LYPLA1: variants seen among roughly 807,000 people sequenced by gnomAD.
LYPLA1 encodes lysophospholipase 1, also known as acyl-protein thioesterase 1.
LYPLA1 carries 17 observed loss-of-function variants against 34.0 expected under a neutral mutation model. The ratio of observed to expected loss-of-function variants is 0.50; its 90% CI spans 0.34 to 0.75. LYPLA1 has a LOEUF of 0.75. Among genes scored for constraint, LYPLA1 ranks in the 30% least tolerant of loss-of-function variants. The pLI is 0.01. For missense variants in LYPLA1, 203 were observed against 288.8 expected, an observed-to-expected ratio of 0.70 and a Z score of 2.15; for synonymous variants, 98 against 100.8, an observed-to-expected ratio of 0.97 and a Z score of 0.17.
chr8:54,101,453 C>T lies in LYPLA1; in HGVS notation c.69+302G>A, dbSNP rs1027225476. On this transcript the variant is annotated intron_variant, in intron 1 of 8. Transcript: ENST00000316963. ...ACTTAGGTTTCCCTCACCCACACACCAGGCAGAAACACGCTGCAGAGGCTG... is the reference window on the plus strand; with the variant it reads ...ACTTAGGTTTCCCTCACCCACACACTAGGCAGAAACACGCTGCAGAGGCTG... 11 of 1,096,792 alleles carry T rather than the reference C, an allele frequency of 1.0e-5. No homozygotes were observed. The Admixed American group carries it at 4.7e-4, about 46-fold the overall frequency. 67.9% of individuals were successfully genotyped at this position (1,096,792 alleles called of 1,614,324 possible). A position where few individuals can be genotyped will look rare whatever the true frequency, so the allele number is the denominator to read the frequency against.
intron 2 of LYPLA1, among the ~76,000 whole-genome samples, chr8:54,070,408 T>G (rs1322727309): frequency 3.3e-5 from 5 of 152,100 alleles, no homozygotes; most frequent in Non-Finnish European, 5.9e-5. Flanking sequence ...ACAACCCAAA[T>G]GTCCATCAAA....
At chr8:54,065,930 G>T (rs538776489) in intron 2 of LYPLA1, 117 bp from the exon 3 acceptor site, 165 of 684,378 alleles carry the variant, frequency 2.4e-4, no homozygotes, top group African/African-American at 2.2e-3. Flanking sequence ...TAAAAATATG[G>T]TTTTTTTTTG....
In LYPLA1 at chr8:54,051,694, C is replaced by T. The variant is rs1275536890; in HGVS notation, c.463-506G>A. Among the ~76,000 whole-genome samples, 5 of 152,276 alleles carry T rather than the reference C, an allele frequency of 3.3e-5. No homozygotes were observed. In the East Asian group the frequency reaches 7.7e-4, roughly 24 times the overall value. ...TCAATCTCCTGACCTTGTGATCCAC[C>T]TGCCTTGGCCTCCGAAAGTGCTGGG... On this transcript the variant is annotated intron_variant, in intron 7 of 8. Transcript: ENST00000316963.
chr8:54,062,155 G>GTAAAT lies in LYPLA1; in HGVS notation c.286+98_286+99insATTTA, dbSNP rs1806684561. 57 of 859,074 alleles carry GTAAAT rather than the reference G, an allele frequency of 6.6e-5. No homozygotes were observed. The South Asian group carries it at 8.8e-4, about 13-fold the overall frequency. The allele number at this position is 859,074 out of a possible 1,614,324, so 53.2% of individuals were successfully genotyped here. The stretch of plus-strand genomic sequence containing the variant: ...TTACAGGCGTGAGCCACCGTGCCCG[G>GTAAAT]CCCAAATGTGTAATTTTTAACCAGT... On this transcript the variant is annotated intron_variant, in intron 5 of 8. Coordinates refer to ENST00000316963, the MANE Select transcript of LYPLA1 (RefSeq NM_006330.4).
chr8:54,074,910 T>C (rs924624353), intron 2 of LYPLA1, among the ~76,000 whole-genome samples: 4 of 152,210 alleles, frequency 2.6e-5, no homozygotes, highest in Non-Finnish European at 5.9e-5. Context: ...TTGTGCAGTG[T>C]TTTGCGGTGA....
intron 2 of LYPLA1, among the ~76,000 whole-genome samples, chr8:54,092,128 G>A (rs185204977): frequency 2.3e-4 from 35 of 151,074 alleles, no homozygotes; most frequent in African/African-American, 6.3e-4. Flanking sequence ...AGGCAGCGGC[G>A]GCAGAGGAGA....
intron 2 of LYPLA1, among the ~76,000 whole-genome samples, chr8:54,068,542 T>C (rs149841545): frequency 6.6e-6 from 1 of 152,094 alleles, no homozygotes; most frequent in Non-Finnish European, 1.5e-5. Flanking sequence ...AATCCAGAAA[T>C]AAAACCTCAC....
Position 54,097,948 on chromosome 8 carries a change from C to T in LYPLA1, c.101+2960G>A, listed in dbSNP as rs144719863. Among the ~76,000 whole-genome samples, 1,167 of 152,264 alleles carry T rather than the reference C, an allele frequency of 7.7e-3. 16 individuals carry two copies. Among genetic ancestry groups the T allele is most frequent in the African/African-American group, 0.026 (1,080 of 41,558 alleles). On this transcript the variant is annotated intron_variant, in intron 2 of 8. Transcript: ENST00000316963. ...TTGGATAAAAGCACTACAGGCTGGG[C>T]GAGGTGGCTCATGCCTGTATTCCCA...
intron 2 of LYPLA1, among the ~76,000 whole-genome samples, chr8:54,093,748 T>C (rs1281095722): frequency 6.6e-6 from 1 of 152,236 alleles, no homozygotes; most frequent in African/African-American, 2.4e-5. Context: ...TATACTATTC[T>C]AGCACTGGGA....
In LYPLA1 at chr8:54,100,921, A is replaced by C; in HGVS notation, c.88T>G (p.Leu30Val). 6.2e-7 allele frequency: 1 copy of C among 1,610,004 alleles called. No individual in the cohort carries two copies. The highest frequency in any genetic ancestry group is 8.5e-7 in the Non-Finnish European group (1 of 1,176,358). ...AATGGTACCTACCCAGTATCTCCCAATCCATGCAGGAAAATCACCTATAAG... is the reference window on the plus strand; with the variant it reads ...AATGGTACCTACCCAGTATCTCCCACTCCATGCAGGAAAATCACCTATAAG... The part of the protein sequence containing the change: ...ATAAVIFLHG[L>V]GDTGHGWAEA... The change falls in exon 2 of 9, where the codon TTG becomes GTG. Residue 30 changes from leucine (L) to valine (V), a missense_variant. Leu to Val is a conservative substitution (Grantham distance 32, BLOSUM62 1). This residue lies in a region of LYPLA1 where 75 missense variants were observed against 73.5 expected (regional missense o/e 1.02). Transcript: ENST00000316963.
rs775768892 is a variant in LYPLA1 at position 54,048,064 on chromosome 8, G to A, written c.*1C>T. The A allele has an allele frequency of 6.9e-6, 11 of 1,602,986 alleles. No individual in the cohort carries two copies. The highest frequency in any genetic ancestry group is 5.3e-5 in the African/African-American group (4 of 74,774). On this transcript the variant is annotated 3_prime_UTR_variant, in exon 9 of 9. Coordinates refer to ENST00000316963, the MANE Select transcript of LYPLA1 (RefSeq NM_006330.4). Reference sequence around the variant, plus strand: ...CTTCTACACAAGGCCTCTTAGTGACGTCAATCAATTGGAGGTAGGAGTTTA... The same window carrying A: ...CTTCTACACAAGGCCTCTTAGTGACATCAATCAATTGGAGGTAGGAGTTTA...
intron 2 of LYPLA1, among the ~76,000 whole-genome samples, chr8:54,095,871 T>G (rs774011499): frequency 2.0e-5 from 3 of 152,070 alleles, no homozygotes; most frequent in Non-Finnish European, 4.4e-5. Flanking sequence ...ATACCCGGCC[T>G]GTATTCTTGA....
intron 2 of LYPLA1, among the ~76,000 whole-genome samples, chr8:54,066,946 G>C (rs1807111692): frequency 6.6e-6 from 1 of 152,110 alleles, no homozygotes; most frequent in African/African-American, 2.4e-5. Context: ...GAAGCATGCG[G>C]ATCACTTGAG....
At chr8:54,078,730 G>A (rs1003144586) in intron 2 of LYPLA1, among the ~76,000 whole-genome samples, 3 of 152,098 alleles carry the variant, frequency 2.0e-5, no homozygotes, top group Non-Finnish European at 4.4e-5. Flanking sequence ...AGGTAAGTCT[G>A]AAAACATTTG....
intron 2 of LYPLA1, chr8:54,073,156 A>T (rs1014873390): frequency 2.7e-6 from 2 of 741,464 alleles, no homozygotes; most frequent in Non-Finnish European, 5.1e-6. Flanking sequence ...AGATGACAGC[A>T]TTCAGCCCCA....
At chr8:54,058,585 G>A (rs1197995308) in intron 5 of LYPLA1, among the ~76,000 whole-genome samples, 3 of 151,448 alleles carry the variant, frequency 2.0e-5, no homozygotes, top group Admixed American at 6.6e-5. Flanking sequence ...TCTTTTGCTC[G>A]CTCACACTCT....
chr8:54,064,489 A>G (rs1253634364), intron 3 of LYPLA1, among the ~76,000 whole-genome samples: 2 of 152,218 alleles, frequency 1.3e-5, no homozygotes, highest in Non-Finnish European at 2.9e-5. Context: ...TAGCAACCCT[A>G]GCCACAGTAT....
At position 54,046,567 on chromosome 8, in the gene LYPLA1, T is replaced by G. The variant is rs1313359403; in HGVS notation, c.*1498A>C. On this transcript the variant is annotated 3_prime_UTR_variant, in exon 9 of 9. Transcript: ENST00000316963. The stretch of plus-strand genomic sequence containing the variant: ...ACATAGTAAATGATTGTTTAAAATT[T>G]TTAAATCCAGACATAAACATATGGC... The G allele has an allele frequency of 1.3e-5, 2 of 152,642 alleles. No homozygotes were observed. The highest frequency in any genetic ancestry group is 2.9e-5 in the Non-Finnish European group (2 of 68,012). 9.5% of individuals were successfully genotyped at this position (152,642 alleles called of 1,614,324 possible). A position where few individuals can be genotyped will look rare whatever the true frequency, so the allele number is the denominator to read the frequency against.
intron 2 of LYPLA1, among the ~76,000 whole-genome samples, chr8:54,092,813 C>T (rs955004461): frequency 6.6e-6 from 1 of 152,174 alleles, no homozygotes; most frequent in Non-Finnish European, 1.5e-5. Context: ...GAGTCCCTGT[C>T]TCTACTTAAA....
Sources: gnomAD v4.1 joint callset for allele counts (sites outside exome capture counted in the v4.1 genomes callset) on GRCh38, gnomAD v4.1.1 for gene constraint, gnomAD v4.1.1 regional missense constraint, MANE v1.5 for transcripts, NCBI Gene and HGNC (gene_info 2026-07-23, HGNC 2026-07-21) for gene names.